Variants in ZPLD1 observed in about 807,000 individuals in gnomAD.
The protein encoded by ZPLD1 is zona pellucida like domain containing 1.
Under a neutral mutation model 47.2 loss-of-function variants are expected in ZPLD1, and 34 were observed. That is an observed-to-expected ratio of 0.72 (90% CI 0.55 to 0.96). The LOEUF (loss-of-function observed/expected upper bound fraction) is 0.96, where lower values mean the gene tolerates loss of function less well. Ranked by LOEUF, ZPLD1 falls within the 40% of genes least tolerant of loss-of-function variation. The pLI, the probability that ZPLD1 is intolerant of heterozygous loss-of-function variation, is 0.00. For missense variants in ZPLD1, 512 were observed against 505.8 expected, an observed-to-expected ratio of 1.01 and a Z score of -0.12; for synonymous variants, 176 against 186.2, an observed-to-expected ratio of 0.95 and a Z score of 0.45.
chr3:102,476,160 C>T (rs1354746388), intron 10 of ZPLD1, among the ~76,000 whole-genome samples: 1 of 152,070 alleles, frequency 6.6e-6, no homozygotes, highest in African/African-American at 2.4e-5. Context: ...TGGTTTTATA[C>T]ACATATTGAT....
rs765747499 is a variant in ZPLD1, at chr3:102,456,375, G to A, written c.509+1G>A. On this transcript the variant is annotated splice_donor_variant, in intron 5 of 11. Coordinates refer to ENST00000466937, the MANE Select transcript of ZPLD1 (RefSeq NM_001329788.2). LOFTEE classifies it high-confidence loss of function. ...TGGTTAATAATACCCAGCTTGCTTCGTAAGTTTGCATTTTATTCCTGCTTT... is the reference window on the plus strand; with the variant it reads ...TGGTTAATAATACCCAGCTTGCTTCATAAGTTTGCATTTTATTCCTGCTTT... 32 of 1,607,644 alleles carry A rather than the reference G, an allele frequency of 2.0e-5. No homozygotes were observed. The highest frequency in any genetic ancestry group is 2.2e-5 in the East Asian group (1 of 44,642).
chr3:102,472,516 A>C (rs1707700332), intron 10 of ZPLD1, among the ~76,000 whole-genome samples: 1 of 146,468 alleles, frequency 6.8e-6, no homozygotes, highest in Non-Finnish European at 1.5e-5. Context: ...TGGCTGACAG[A>C]GTGAGACTCT....
rs1199147069 is a variant in ZPLD1, at chr3:102,479,364, C to G, written c.*1746C>G. The stretch of plus-strand genomic sequence containing the variant: ...TTGAAATATGCTGGTAAATCTATTT[C>G]AGATACTTTAAGTGAATTGCCATTG... On this transcript the variant is annotated 3_prime_UTR_variant, in exon 12 of 12. Coordinates refer to ENST00000466937, the MANE Select transcript of ZPLD1 (RefSeq NM_001329788.2). 6.6e-6 allele frequency: 1 copy of G among 152,144 alleles called. No individual in the cohort carries two copies. The allele number at this position is 152,144 out of a possible 1,614,324, so 9.4% of individuals were successfully genotyped here.
At chr3:102,461,970 A>G (rs1251878808) in intron 6 of ZPLD1, among the ~76,000 whole-genome samples, 1 of 152,108 alleles carries the variant, frequency 6.6e-6, no homozygotes. Flanking sequence ...AATATTGACC[A>G]TTGAATATTA....
chr3:102,442,421 AAT>A (rs1238861447), intron 3 of ZPLD1, among the ~76,000 whole-genome samples: 1 of 152,026 alleles, frequency 6.6e-6, no homozygotes, highest in African/African-American at 2.4e-5. Flanking sequence ...TAATAACACA[AAT>A]ATTAATAAAA....
chr3:102,404,992 C>G (rs1460891687), intron 7 of ZPLD1, among the ~76,000 whole-genome samples: 1 of 151,980 alleles, frequency 6.6e-6, no homozygotes, highest in Non-Finnish European at 1.5e-5. Flanking sequence ...GAAACAACAA[C>G]ATATTTTTAG....
chr3:102,444,139 G>GT (rs1348510790), intron 3 of ZPLD1, among the ~76,000 whole-genome samples: 1 of 152,098 alleles, frequency 6.6e-6, no homozygotes, highest in African/African-American at 2.4e-5. Flanking sequence ...TTCACTTTTT[G>GT]TTTTTATAAA....
intron 7 of ZPLD1, among the ~76,000 whole-genome samples, chr3:102,401,135 G>A (rs1193483384): frequency 1.3e-5 from 2 of 152,044 alleles, no homozygotes; most frequent in Non-Finnish European, 2.9e-5. Flanking sequence ...TTGCCAGTGA[G>A]AGAAAATTAG....
chr3:102,471,880 A>C (rs560083604), intron 10 of ZPLD1, among the ~76,000 whole-genome samples: 22 of 152,222 alleles, frequency 1.4e-4, no homozygotes, highest in South Asian at 4.1e-4. Context: ...ATTTCCCCCC[A>C]AAAAAGAGAA....
chr3:102,468,577 T>C (rs1050398055), intron 8 of ZPLD1, among the ~76,000 whole-genome samples: 1 of 152,136 alleles, frequency 6.6e-6, no homozygotes, highest in Non-Finnish European at 1.5e-5. Context: ...GGGAGGACAA[T>C]AAGAATACAT....
chr3:102,403,617 C>T (rs900088296), intron 7 of ZPLD1, among the ~76,000 whole-genome samples: 1 of 151,874 alleles, frequency 6.6e-6, no homozygotes, highest in African/African-American at 2.4e-5. Flanking sequence ...GGCTTTAATT[C>T]AATAGCTTAA....
At chr3:102,474,374 TAATAATTCATTTGAGC>T (rs1665311398) in intron 10 of ZPLD1, among the ~76,000 whole-genome samples, 1 of 152,164 alleles carries the variant, frequency 6.6e-6, no homozygotes, top group South Asian at 2.1e-4. Context: ...TATGAGTAGT[TAATAATTCATTTGAGC>T]ATACTTGTTT....
At chr3:102,469,639 C>T (rs545004923) in intron 9 of ZPLD1, among the ~76,000 whole-genome samples, 2 of 152,212 alleles carry the variant, frequency 1.3e-5, no homozygotes, top group African/African-American at 2.4e-5. Flanking sequence ...GATCAGAGAG[C>T]TTCTAGTTCT....
intron 6 of ZPLD1, among the ~76,000 whole-genome samples, chr3:102,387,346 A>C (rs1428409061): frequency 6.6e-6 from 1 of 152,210 alleles, no homozygotes; most frequent in East Asian, 1.9e-4. Context: ...TAGTTTTCAC[A>C]TTCATCTGAC....
intron 7 of ZPLD1, among the ~76,000 whole-genome samples, chr3:102,398,922 A>G (rs576310664): frequency 6.6e-6 from 1 of 152,188 alleles, no homozygotes; most frequent in African/African-American, 2.4e-5. Flanking sequence ...ACACACTTTT[A>G]TTTATAACTT....
At chr3:102,413,528 T>C (rs1453453545) in intron 7 of ZPLD1, among the ~76,000 whole-genome samples, 2 of 151,836 alleles carry the variant, frequency 1.3e-5, no homozygotes, top group South Asian at 2.1e-4. Context: ...AGACAATGAC[T>C]ATCCTGAAAC....
chr3:102,462,675 A>G (rs1707527422), intron 7 of ZPLD1, among the ~76,000 whole-genome samples: 1 of 152,142 alleles, frequency 6.6e-6, no homozygotes, highest in Non-Finnish European at 1.5e-5. Flanking sequence ...CAGAAAGATG[A>G]TTAACCAAAT....
At chr3:102,395,266 A>G (rs1706544430) in intron 7 of ZPLD1, among the ~76,000 whole-genome samples, 1 of 152,116 alleles carries the variant, frequency 6.6e-6, no homozygotes, top group Non-Finnish European at 1.5e-5. Flanking sequence ...ATATATACAC[A>G]CACATATATA....
chr3:102,389,216 A>C (rs534094643), intron 6 of ZPLD1, among the ~76,000 whole-genome samples: 2 of 152,344 alleles, frequency 1.3e-5, no homozygotes, highest in East Asian at 3.9e-4. Flanking sequence ...GAGTGCTACT[A>C]CTTGTTTCAA....
Sources: gnomAD v4.1 joint callset for allele counts (sites outside exome capture counted in the v4.1 genomes callset) on GRCh38, gnomAD v4.1.1 for gene constraint, MANE v1.5 for transcripts, NCBI Gene and HGNC (gene_info 2026-07-23, HGNC 2026-07-21) for gene names.